The following PLCB1 variants were observed in gnomAD, a reference collection of about 807,000 sequenced individuals.
The protein encoded by PLCB1 is 1-phosphatidylinositol 4,5-bisphosphate phosphodiesterase beta-1.
A neutral mutation model predicts 161.8 loss-of-function variants in PLCB1; 46 were observed. The observed-to-expected ratio is 0.28, with a 90% CI of 0.22 to 0.36. PLCB1 has a LOEUF of 0.36. Among genes scored for constraint, PLCB1 ranks in the 10% least tolerant of loss-of-function variants. The pLI, the probability that PLCB1 is intolerant of heterozygous loss-of-function variation, is 1.00. For missense variants in PLCB1, 1,016 were observed against 1,472.5 expected, an observed-to-expected ratio of 0.69 and a Z score of 5.07; for synonymous variants, 517 against 503.7, an observed-to-expected ratio of 1.03 and a Z score of -0.35.
At chr20:8,320,458 A>G (rs181551594) in intron 2 of PLCB1, among the ~76,000 whole-genome samples, 335 of 152,332 alleles carry the variant, frequency 2.2e-3, no homozygotes, top group African/African-American at 7.6e-3. Flanking sequence ...TCCCGAAGTG[A>G]CACAGCTAAT....
intron 3 of PLCB1, among the ~76,000 whole-genome samples, 178 bp from the exon 4 acceptor site, chr20:8,628,116 A>T (rs2123216574): frequency 6.6e-6 from 1 of 152,298 alleles, no homozygotes; most frequent in Admixed American, 6.5e-5. Flanking sequence ...ACCTCTGGGC[A>T]AGTTGCTTCA....
At chr20:8,379,761 TG>T (rs1192355513) in intron 3 of PLCB1, among the ~76,000 whole-genome samples, 1 of 152,248 alleles carries the variant, frequency 6.6e-6, no homozygotes, top group Non-Finnish European at 1.5e-5. Flanking sequence ...TTTTGGAAAG[TG>T]TCTGTTCATA....
chr20:8,685,190 G>A, intron 10 of PLCB1, 112 bp downstream of exon 10: 1 of 1,032,304 alleles, frequency 9.7e-7, no homozygotes, highest in South Asian at 1.4e-5. Context: ...CCTGCGAAGT[G>A]CCTCTGAGAA....
rs539796248 is a variant in PLCB1 at position 8,466,451 on chromosome 20, T to C, written c.246+95001T>C. ...AACTAACCTGCACATTGTGCACATG[T>C]ACCCTAAAACTTAAAGTGTAATAAT... On this transcript the variant is annotated intron_variant, in intron 3 of 31. Coordinates refer to ENST00000338037, the MANE Select transcript of PLCB1 (RefSeq NM_015192.4). Among the ~76,000 whole-genome samples the C allele has an allele frequency of 5.9e-5, 9 of 151,978 alleles. No individual in the cohort carries two copies. The South Asian group carries it at 1.9e-3, about 32-fold the overall frequency.
chr20:8,883,998 G>T lies in PLCB1; in HGVS notation c.*2149G>T, dbSNP rs1273212521. ...ATAACCAAACACAATGATGATTATT[G>T]CAGAACATTGTATCACATTTTAGTC... is the stretch of plus-strand genomic sequence containing the variant. On this transcript the variant is annotated 3_prime_UTR_variant, in exon 32 of 32. Coordinates refer to ENST00000338037, the MANE Select transcript of PLCB1 (RefSeq NM_015192.4). The T allele has an allele frequency of 6.6e-6, 1 of 152,318 alleles. No individual in the cohort carries two copies. The highest frequency in any genetic ancestry group is 1.9e-4 in the East Asian group (1 of 5,196). The allele number at this position is 152,318 out of a possible 1,614,324, so 9.4% of individuals were successfully genotyped here.
At position 8,402,678 on chromosome 20, in the gene PLCB1, CAA is replaced by C. The variant is rs34206983; in HGVS notation, c.246+31244_246+31245del. ...TGAAATCCCGTCCCTACTAAAAATA[CAA>C]AAAAAAAAAAAAAAATTAGCCAGGC... On this transcript the variant is annotated intron_variant, in intron 3 of 31. Coordinates refer to ENST00000338037, the MANE Select transcript of PLCB1 (RefSeq NM_015192.4). Among the ~76,000 whole-genome samples, 269 of 111,612 alleles carry C rather than the reference CAA, an allele frequency of 2.4e-3. 3 individuals carry two copies. Among genetic ancestry groups the C allele is most frequent in the South Asian group, 0.013 (43 of 3,362 alleles). The allele number at this position is 111,612 out of a possible 152,430, so 73.2% of individuals were successfully genotyped here.
intron 2 of PLCB1, chr20:8,306,491 C>T (rs1236964763): frequency 2.0e-5 from 3 of 152,320 alleles, no homozygotes; most frequent in African/African-American, 7.2e-5. Flanking sequence ...ATCGGCTTCT[C>T]ACTTTGGGCA....
intron 2 of PLCB1, among the ~76,000 whole-genome samples, chr20:8,354,300 A>G (rs1986290108): frequency 6.6e-6 from 1 of 152,182 alleles, no homozygotes; most frequent in South Asian, 2.1e-4. Context: ...GACACAGAAA[A>G]CTAGAGAAGA....
rs546247317 is a variant in PLCB1 at position 8,564,908 on chromosome 20, C to A, written c.247-63386C>A. Among the ~76,000 whole-genome samples, 4 of 152,256 alleles carry A rather than the reference C, an allele frequency of 2.6e-5. No homozygotes were observed. In the South Asian group the frequency reaches 8.3e-4, roughly 32 times the overall value. On this transcript the variant is annotated intron_variant, in intron 3 of 31. Transcript: ENST00000338037. The stretch of plus-strand genomic sequence containing the variant: ...TTGGTGGGAGTGTAAATTAGTTCAA[C>A]CATTGTGGAAGACAGTGTGGTAATT...
intron 3 of PLCB1, among the ~76,000 whole-genome samples, chr20:8,559,683 T>C (rs1348490586): frequency 6.6e-6 from 1 of 152,014 alleles, no homozygotes; most frequent in Non-Finnish European, 1.5e-5. Context: ...TCAGTCAAAA[T>C]AGACCTTAGG....
intron 31 of PLCB1, among the ~76,000 whole-genome samples, chr20:8,793,773 G>A (rs1983885085): frequency 6.6e-6 from 1 of 152,154 alleles, no homozygotes; most frequent in Non-Finnish European, 1.5e-5. Context: ...CTTATCAGTA[G>A]ACAGCGTTTT....
intron 3 of PLCB1, among the ~76,000 whole-genome samples, chr20:8,626,523 A>T (rs973586470): frequency 1.1e-4 from 17 of 152,234 alleles, no homozygotes; most frequent in Non-Finnish European, 1.8e-4. Context: ...TAGACTGAAC[A>T]AAAAATGCTT....
At chr20:8,151,752 T>G (rs2123034799) in intron 2 of PLCB1, among the ~76,000 whole-genome samples, 1 of 152,292 alleles carries the variant, frequency 6.6e-6, no homozygotes, top group East Asian at 1.9e-4. Context: ...TTATAATGCC[T>G]AGAGCATTTC....
intron 10 of PLCB1, among the ~76,000 whole-genome samples, chr20:8,693,112 G>C (rs6056025): frequency 6.6e-6 from 1 of 152,120 alleles, no homozygotes; most frequent in Non-Finnish European, 1.5e-5. Flanking sequence ...ATTTATGTTT[G>C]CCTCCCTACC....
chr20:8,539,680 CTTTCTT>C (rs1985223025), intron 3 of PLCB1, among the ~76,000 whole-genome samples: 1 of 53,410 alleles, frequency 1.9e-5, no homozygotes, highest in Non-Finnish European at 3.9e-5. Context: ...TTCTTTCTTT[CTTTCTT>C]TTTCTTTTTC....
rs1163169811 is a variant in PLCB1, at chr20:8,585,253, G to A, written c.247-43041G>A. 3.3e-5 allele frequency among the ~76,000 whole-genome samples: 5 copies of A among 152,284 alleles called. No individual in the cohort carries two copies. The East Asian group carries it at 9.7e-4, about 29-fold the overall frequency. ...CTTTTCAGACATTCCTTACCTGCCA[G>A]AGGTAAGACTTTCTCTGTGCATGTC... On this transcript the variant is annotated intron_variant, in intron 3 of 31. Coordinates refer to ENST00000338037, the MANE Select transcript of PLCB1 (RefSeq NM_015192.4).
rs565223767 is a variant in PLCB1 at position 8,136,488 on chromosome 20, T to A, written c.99+3738T>A. Reference sequence around the variant, plus strand: ...AAAAATACAAAAAATTAGCCGGGCGTGGTGGCGGGCGCCTGTAGTCCCAGC... The same window carrying A: ...AAAAATACAAAAAATTAGCCGGGCGAGGTGGCGGGCGCCTGTAGTCCCAGC... On this transcript the variant is annotated intron_variant, in intron 1 of 31. Coordinates refer to ENST00000338037, the MANE Select transcript of PLCB1 (RefSeq NM_015192.4). Among the ~76,000 whole-genome samples the A allele has an allele frequency of 2.1e-3, 325 of 151,886 alleles. 1 individual carries two copies. Among genetic ancestry groups the A allele is most frequent in the African/African-American group, 6.2e-3 (256 of 41,400 alleles).
At chr20:8,613,192 C>T (rs1213939390) in intron 3 of PLCB1, among the ~76,000 whole-genome samples, 3 of 152,180 alleles carry the variant, frequency 2.0e-5, no homozygotes. Context: ...ATGCTGAATT[C>T]ATAATTTCTT....
At chr20:8,661,766 GCA>G (rs1989629913) in intron 9 of PLCB1, among the ~76,000 whole-genome samples, 1 of 150,456 alleles carries the variant, frequency 6.6e-6, no homozygotes, top group South Asian at 2.1e-4. Context: ...ACTAGAGGAA[GCA>G]CACAGTCTCT....
Sources: gnomAD v4.1 joint callset for allele counts (sites outside exome capture counted in the v4.1 genomes callset) on GRCh38, gnomAD v4.1.1 for gene constraint, MANE v1.5 for transcripts, NCBI Gene and HGNC (gene_info 2026-07-23, HGNC 2026-07-21) for gene names.